Variants in SLCO3A1 observed in about 807,000 individuals in gnomAD.
SLCO3A1 encodes PGE1 transporter.
Under a neutral mutation model 63.1 loss-of-function variants are expected in SLCO3A1, and 27 were observed. The observed-to-expected ratio is 0.43, with a 90% CI of 0.32 to 0.59. The LOEUF is 0.59. SLCO3A1 is among the 20% of genes least tolerant of loss of function. The pLI is 0.09. For missense variants in SLCO3A1, 773 were observed against 945.8 expected, an observed-to-expected ratio of 0.82 and a Z score of 2.40; for synonymous variants, 473 against 409.9, an observed-to-expected ratio of 1.15 and a Z score of -1.86.
downstream of SLCO3A1, among the ~76,000 whole-genome samples, chr15:92,168,089 C>T (rs2048502943): frequency 6.6e-6 from 1 of 152,200 alleles, no homozygotes; most frequent in Admixed American, 6.5e-5. Flanking sequence ...CAAGAACCCC[C>T]ATTTCAATGA....
At chr15:91,880,139 A>G (rs373993033) in intron 1 of SLCO3A1, among the ~76,000 whole-genome samples, 9,805 of 119,454 alleles carry the variant, frequency 0.082, 389 homozygotes, top group South Asian at 0.14. Context: ...CCGTCCATCC[A>G]TCCATCCATC....
At chr15:92,172,107 T>C in exon 11 of SLCO3A1, 1 of 440,582 alleles carries the variant, frequency 2.3e-6, no homozygotes. Flanking sequence ...CTCTAAAGAG[T>C]CATGCTGACC....
rs371684751 is a variant in SLCO3A1 at position 91,916,678 on chromosome 15, A to T, written c.646+220A>T. Among the ~76,000 whole-genome samples the T allele has an allele frequency of 2.2e-4, 33 of 152,332 alleles. No homozygotes were observed. Among genetic ancestry groups the T allele is most frequent in the African/African-American group, 7.5e-4 (31 of 41,570 alleles). ...TTGTGAGCGGCCGAATTTGAGCTCCACGGGGCTAGACCACTAACACCGCTT... is the reference window on the plus strand; with the variant it reads ...TTGTGAGCGGCCGAATTTGAGCTCCTCGGGGCTAGACCACTAACACCGCTT... On this transcript the variant is annotated intron_variant, in intron 2 of 9. Transcript: ENST00000318445. This position sits in a 1 kb window ranked among gnomAD's most constrained non-coding sequence, Gnocchi z 6.2.
At chr15:91,994,580 A>G (rs1477694924) in intron 2 of SLCO3A1, among the ~76,000 whole-genome samples, 1 of 149,820 alleles carries the variant, frequency 6.7e-6, no homozygotes, top group Non-Finnish European at 1.5e-5. Context: ...CAGGTGATTG[A>G]TGAAGTGCAG....
In SLCO3A1 at chr15:91,948,411, C is replaced by G. The variant is rs1899884325; in HGVS notation, c.646+31953C>G. Reference sequence around the variant, plus strand: ...TGCCAGCCACAGCATCCTATTCCTGCAGATAAGCCTACAGGCTCTGTAGGA... The same window carrying G: ...TGCCAGCCACAGCATCCTATTCCTGGAGATAAGCCTACAGGCTCTGTAGGA... On this transcript the variant is annotated intron_variant, in intron 2 of 9. Coordinates refer to ENST00000318445, the MANE Select transcript of SLCO3A1 (RefSeq NM_013272.4). This position sits in a 1 kb window ranked among gnomAD's most constrained non-coding sequence, Gnocchi z 4.8. Among the ~76,000 whole-genome samples the G allele has an allele frequency of 1.3e-5, 2 of 152,218 alleles. No individual in the cohort carries two copies. Among genetic ancestry groups the G allele is most frequent in the South Asian group, 4.1e-4 (2 of 4,838 alleles).
At chr15:91,998,776 A>G (rs1408064298) in intron 2 of SLCO3A1, among the ~76,000 whole-genome samples, 2 of 152,236 alleles carry the variant, frequency 1.3e-5, no homozygotes, top group Admixed American at 6.5e-5. Flanking sequence ...CAACTCACCA[A>G]TCCCATTACT....
chr15:92,035,658 A>G (rs1233926874), intron 2 of SLCO3A1, among the ~76,000 whole-genome samples: 1 of 151,532 alleles, frequency 6.6e-6, no homozygotes, highest in Non-Finnish European at 1.5e-5. Flanking sequence ...GGCTTTTAAC[A>G]CCCGTGGAGC....
intron 1 of SLCO3A1, among the ~76,000 whole-genome samples, chr15:91,881,999 G>T (rs1897600958): frequency 6.6e-6 from 1 of 152,146 alleles, no homozygotes; most frequent in South Asian, 2.1e-4. Context: ...GTGCCTTCAA[G>T]TACAAATGCT....
intron 2 of SLCO3A1, among the ~76,000 whole-genome samples, chr15:92,047,595 TATATA>T (rs2046902344): frequency 4.6e-5 from 2 of 43,860 alleles, no homozygotes; most frequent in African/African-American, 1.4e-4. Flanking sequence ...ATATATATAA[TATATA>T]ATATATATAT....
chr15:92,088,350 G>A (rs899230798), intron 2 of SLCO3A1, among the ~76,000 whole-genome samples: 7 of 152,148 alleles, frequency 4.6e-5, no homozygotes, highest in African/African-American at 7.2e-5. Flanking sequence ...ACTGAGAAAT[G>A]ACACACACAA....
chr15:92,121,672 G>GA (rs1165221479), intron 5 of SLCO3A1, among the ~76,000 whole-genome samples: 2 of 152,050 alleles, frequency 1.3e-5, no homozygotes, highest in African/African-American at 4.8e-5. Flanking sequence ...ATTTACGTAG[G>GA]AAAAAATGTG....
rs1169783992 is a variant in SLCO3A1 at position 92,060,559 on chromosome 15, G to A, written c.647-34322G>A. ...CTGTCACCCAGGCTGGAGTGCAGTG[G>A]CGCAAGCTCGGCTCACTGCAACCTC... is the stretch of plus-strand genomic sequence containing the variant. On this transcript the variant is annotated intron_variant, in intron 2 of 9. Coordinates refer to ENST00000318445, the MANE Select transcript of SLCO3A1 (RefSeq NM_013272.4). Among the ~76,000 whole-genome samples the A allele has an allele frequency of 2.6e-5, 4 of 151,938 alleles. No individual in the cohort carries two copies. The East Asian group carries it at 5.9e-4, about 22-fold the overall frequency.
At chr15:92,073,346 G>A (rs1234531386) in intron 2 of SLCO3A1, among the ~76,000 whole-genome samples, 2 of 152,214 alleles carry the variant, frequency 1.3e-5, no homozygotes, top group Non-Finnish European at 2.9e-5. Flanking sequence ...CCGTGGAAAA[G>A]GTGTTGAGAT....
chr15:91,903,892 G>A (rs1314201070), intron 1 of SLCO3A1, among the ~76,000 whole-genome samples: 1 of 152,208 alleles, frequency 6.6e-6, no homozygotes, highest in Non-Finnish European at 1.5e-5. Context: ...TTGAATTGAA[G>A]TTGTTGTTGT....
Position 92,151,189 on chromosome 15 carries a change from C to G in SLCO3A1, c.1753+175C>G, listed in dbSNP as rs1459813193. On this transcript the variant is annotated intron_variant, in intron 9 of 9. Transcript: ENST00000318445. ...TTTTGGTCAGAGATAAACTCAGACA[C>G]TGCCTCGATATCACGAAGTTCTCAT... 7 of 570,280 alleles carry G rather than the reference C, an allele frequency of 1.2e-5. No homozygotes were observed. In the African/African-American group the frequency reaches 1.3e-4, roughly 11 times the overall value. 35.3% of individuals were successfully genotyped at this position (570,280 alleles called of 1,614,324 possible).
At chr15:92,147,887 C>G (rs905510372) in intron 8 of SLCO3A1, among the ~76,000 whole-genome samples, 20 of 152,222 alleles carry the variant, frequency 1.3e-4, no homozygotes, top group African/African-American at 4.3e-4. Context: ...AACACATAGG[C>G]TGCCATTCAT....
intron 2 of SLCO3A1, among the ~76,000 whole-genome samples, chr15:91,988,500 G>A (rs1444046633): frequency 3.9e-5 from 6 of 151,924 alleles, no homozygotes; most frequent in Non-Finnish European, 8.8e-5. Context: ...AGGAAAACTT[G>A]ATTACATGGG....
At chr15:92,050,936 G>C (rs2046949502) in intron 2 of SLCO3A1, among the ~76,000 whole-genome samples, 1 of 152,058 alleles carries the variant, frequency 6.6e-6, no homozygotes, top group Non-Finnish European at 1.5e-5. Flanking sequence ...TCCCTCCACA[G>C]GTGACACTCA....
At chr15:92,016,274 A>ATTAGATAGATAGATAGAT (rs1252874645) in intron 2 of SLCO3A1, among the ~76,000 whole-genome samples, 3 of 136,982 alleles carry the variant, frequency 2.2e-5, no homozygotes, top group African/African-American at 8.4e-5. Context: ...AGATAGATAG[A>ATTAGATAGATAGATAGAT]TAGATAGATG....
Sources: allele counts gnomAD v4.1 joint callset (sites outside exome capture counted in the v4.1 genomes callset), GRCh38; gene constraint gnomAD v4.1.1; non-coding constraint Gnocchi (gnomAD v3.1); transcripts MANE v1.5; gene names NCBI Gene and HGNC (gene_info 2026-07-23, HGNC 2026-07-21).